PHTF1: variants seen among roughly 807,000 people sequenced by gnomAD.
The protein encoded by PHTF1 is putative homeodomain transcription factor 1.
PHTF1 carries 88 observed loss-of-function variants against 102.4 expected under a neutral mutation model. The observed-to-expected ratio is 0.86, with a 90% CI of 0.72 to 1.03. The LOEUF (loss-of-function observed/expected upper bound fraction) is 1.03, where lower values mean the gene tolerates loss of function less well. PHTF1 is among the 50% of genes least tolerant of loss of function. PHTF1 has a pLI of 0.00. For missense variants in PHTF1, 814 were observed against 909.5 expected (o/e 0.89, Z 1.35); for synonymous variants, 289 against 305.2 (o/e 0.95, Z 0.55).
chr1:113,735,654 G>A (rs1490696367), intron 5 of PHTF1, among the ~76,000 whole-genome samples: 1 of 151,928 alleles, frequency 6.6e-6, no homozygotes. Flanking sequence ...CTACTATACT[G>A]GGCAGCACAG....
At chr1:113,729,452 A>G (rs1435023207) in intron 5 of PHTF1, among the ~76,000 whole-genome samples, 1 of 151,936 alleles carries the variant, frequency 6.6e-6, no homozygotes, top group Non-Finnish European at 1.5e-5. Context: ...GAAGATGAAT[A>G]CCCTACTTGC....
chr1:113,698,345 G>T lies in PHTF1; in HGVS notation c.2185C>A (p.Pro729Thr), dbSNP rs978194858. 6.2e-7 allele frequency: 1 copy of T among 1,608,534 alleles called. No individual in the cohort carries two copies. The highest frequency in any genetic ancestry group is 8.5e-7 in the Non-Finnish European group (1 of 1,175,118). The change falls in exon 18 of 19, where the codon CCC (proline) becomes ACC (threonine). Residue 729 changes from proline to threonine, a missense_variant. Physicochemically the swap from Pro to Thr is conservative, Grantham distance 38. Coordinates refer to ENST00000369604, the MANE Select transcript of PHTF1 (RefSeq NM_001323043.2). Reference sequence around the variant, plus strand: ...ACTCTTGTGATATTGTAGATTAAGGGATTCATTGTCAGTCCATAGAGTCTA... The same window carrying T: ...ACTCTTGTGATATTGTAGATTAAGGTATTCATTGTCAGTCCATAGAGTCTA... The part of the protein sequence containing the change: ...PFRLYGLTMN[P>T]LIYNITRVVI...
At chr1:113,756,068 A>G (rs76650629) in intron 3 of PHTF1, among the ~76,000 whole-genome samples, 1 of 146,042 alleles carries the variant, frequency 6.8e-6, no homozygotes, top group Non-Finnish European at 1.5e-5. Context: ...CTCTGTCTCA[A>G]AAAAAAAAAA....
intron 11 of PHTF1, among the ~76,000 whole-genome samples, chr1:113,709,895 T>C (rs1650792521): frequency 6.6e-6 from 1 of 152,224 alleles, no homozygotes; most frequent in Non-Finnish European, 1.5e-5. Flanking sequence ...AGCAATACCA[T>C]TTCCTAGTAA....
intron 8 of PHTF1, among the ~76,000 whole-genome samples, chr1:113,712,985 GT>G (rs1306088479): frequency 1.3e-5 from 2 of 152,008 alleles, no homozygotes; most frequent in African/African-American, 4.8e-5. Flanking sequence ...TAGAAACGGG[GT>G]TTCACCGTGT....
At position 113,759,047 on chromosome 1, in the gene PHTF1, G is replaced by A. The variant is rs1004092147; in HGVS notation, c.-55C>T. The A allele has an allele frequency of 9.9e-7, 1 of 1,012,126 alleles. No individual in the cohort carries two copies. Among genetic ancestry groups the A allele is most frequent in the Non-Finnish European group, 1.2e-6 (1 of 847,926 alleles). 62.7% of individuals were successfully genotyped at this position (1,012,126 alleles called of 1,614,324 possible). ...CCTAGTGCCCGTTGCCCCGCGGGCC[G>A]GCGCCCGGGACCTCCGTCCTCAGTG... is the stretch of plus-strand genomic sequence containing the variant. On this transcript the variant is annotated 5_prime_UTR_variant, in exon 1 of 19. Transcript: ENST00000369604.
intron 5 of PHTF1, among the ~76,000 whole-genome samples, chr1:113,734,192 G>A (rs994335881): frequency 5.9e-5 from 9 of 152,186 alleles, no homozygotes; most frequent in African/African-American, 1.2e-4. Context: ...CCTGGGAGGC[G>A]GAGGTTGCAG....
At position 113,731,535 on chromosome 1, in the gene PHTF1, T is replaced by TA. The variant is rs1443140633; in HGVS notation, c.332-4962_332-4961insT. 3.5e-3 allele frequency among the ~76,000 whole-genome samples: 499 copies of TA among 144,436 alleles called. 2 individuals carry two copies. Among genetic ancestry groups the TA allele is most frequent in the African/African-American group, 0.013 (460 of 36,714 alleles). The allele number at this position is 144,436 out of a possible 152,430, so 94.8% of individuals were successfully genotyped here. ...GTAAGAGTGAGACCCCGTCTCTATT[T>TA]TAAAAAAAAGAAAGAAAGAAAGAAA... On this transcript the variant is annotated intron_variant, in intron 5 of 18. Coordinates refer to ENST00000369604, the MANE Select transcript of PHTF1 (RefSeq NM_001323043.2).
At chr1:113,709,731 C>T (rs947130912) in intron 11 of PHTF1, among the ~76,000 whole-genome samples, 13 of 152,244 alleles carry the variant, frequency 8.5e-5, no homozygotes, top group African/African-American at 3.1e-4. Flanking sequence ...ATTATCACCA[C>T]ATAACAGATG....
In PHTF1 at chr1:113,713,445, T is replaced by C; in HGVS notation, c.624-7A>G. On this transcript the variant is annotated splice_polypyrimidine_tract_variant and splice_region_variant and intron_variant, in intron 7 of 18. Transcript: ENST00000369604. Reference sequence around the variant, plus strand: ...TAATTTTACTCTTTTAATCCTATTTTTTAAAAAAGGAAAAGAAGATTAATT... The same window carrying C: ...TAATTTTACTCTTTTAATCCTATTTCTTAAAAAAGGAAAAGAAGATTAATT... 1 of 1,464,056 alleles carries C rather than the reference T, an allele frequency of 6.8e-7. No homozygotes were observed. Among genetic ancestry groups the C allele is most frequent in the Non-Finnish European group, 9.4e-7 (1 of 1,067,314 alleles). 90.7% of individuals were successfully genotyped at this position (1,464,056 alleles called of 1,614,324 possible).
chr1:113,721,263 A>C lies in PHTF1; in HGVS notation c.623+3496T>G, dbSNP rs79101536. ...AATGAAGGAAAAAAACCATATAATCATTTCAAATGATGATGAAAAAGCATT... is the reference window on the plus strand; with the variant it reads ...AATGAAGGAAAAAAACCATATAATCCTTTCAAATGATGATGAAAAAGCATT... On this transcript the variant is annotated intron_variant, in intron 7 of 18. Transcript: ENST00000369604. Among the ~76,000 whole-genome samples, 896 of 152,352 alleles carry C rather than the reference A, an allele frequency of 5.9e-3. 10 individuals carry two copies. Among genetic ancestry groups the C allele is most frequent in the African/African-American group, 0.021 (853 of 41,566 alleles).
At chr1:113,697,790 C>G (rs1033380261) in intron 18 of PHTF1, 65 bp from the exon 19 acceptor site, 1 of 1,051,766 alleles carries the variant, frequency 9.5e-7, no homozygotes, top group Non-Finnish European at 1.5e-6. Context: ...TATAGGTACA[C>G]TTACATGACT....
At chr1:113,723,208 C>T (rs1232370368) in intron 7 of PHTF1, among the ~76,000 whole-genome samples, 1 of 147,756 alleles carries the variant, frequency 6.8e-6, no homozygotes, top group Non-Finnish European at 1.5e-5. Context: ...GACAGGGTCA[C>T]ACTCTGTCAC....
chr1:113,739,809 T>C (rs1287389138), intron 3 of PHTF1, among the ~76,000 whole-genome samples: 2 of 152,234 alleles, frequency 1.3e-5, no homozygotes, highest in Non-Finnish European at 2.9e-5. Flanking sequence ...TTAGCTTCCA[T>C]GTATGTGTGA....
Position 113,706,171 on chromosome 1 carries a change from TAATTTAA to T in PHTF1, c.1399-16_1399-10del. The T allele has an allele frequency of 6.3e-7, 1 of 1,585,530 alleles. No individual in the cohort carries two copies. The highest frequency in any genetic ancestry group is 1.2e-5 in the South Asian group (1 of 86,362). ...TGCTGATAGGCATTGACCTGTGAAT[TAATTTAA>T]AATTTCCACCATTATTGTGTTAGCT... is the stretch of plus-strand genomic sequence containing the variant. On this transcript the variant is annotated splice_polypyrimidine_tract_variant and intron_variant, in intron 12 of 18. Transcript: ENST00000369604.
intron 5 of PHTF1, among the ~76,000 whole-genome samples, chr1:113,733,888 C>T (rs1474832283): frequency 1.3e-5 from 2 of 152,060 alleles, no homozygotes; most frequent in Non-Finnish European, 2.9e-5. Context: ...GGAGACTAGA[C>T]GAATACTTGA....
chr1:113,713,439 C>G lies in PHTF1; in HGVS notation c.624-1G>C. 6.7e-7 allele frequency: 1 copy of G among 1,497,678 alleles called. No homozygotes were observed. Among genetic ancestry groups the G allele is most frequent in the Non-Finnish European group, 9.1e-7 (1 of 1,096,242 alleles). The allele number at this position is 1,497,678 out of a possible 1,614,324, so 92.8% of individuals were successfully genotyped here. A position where few individuals can be genotyped will look rare whatever the true frequency, so the allele number is the denominator to read the frequency against. The stretch of plus-strand genomic sequence containing the variant: ...AGATATTAATTTTACTCTTTTAATC[C>G]TATTTTTTAAAAAAGGAAAAGAAGA... On this transcript the variant is annotated splice_acceptor_variant, in intron 7 of 18. Transcript: ENST00000369604. LOFTEE classifies it high-confidence loss of function.
At position 113,757,654 on chromosome 1, in the gene PHTF1, T is replaced by C. The variant is rs375129657; in HGVS notation, c.102+45A>G. ...CAGGTAAGTACAATTCCACTCTTCATATTAATGCAGTGAAACATAGGCGGA... is the reference window on the plus strand; with the variant it reads ...CAGGTAAGTACAATTCCACTCTTCACATTAATGCAGTGAAACATAGGCGGA... On this transcript the variant is annotated intron_variant, in intron 3 of 18. Transcript: ENST00000369604. 4.5e-4 allele frequency: 546 copies of C among 1,221,090 alleles called. 2 individuals are homozygous for C. Among genetic ancestry groups the C allele is most frequent in the Middle Eastern group, 1.2e-3 (6 of 5,112 alleles). 75.6% of individuals were successfully genotyped at this position (1,221,090 alleles called of 1,614,324 possible).
Position 113,711,922 on chromosome 1 carries a change from AAC to A in PHTF1, c.957+16_957+17del. 15 of 1,609,506 alleles carry A rather than the reference AAC, an allele frequency of 9.3e-6. No individual in the cohort carries two copies. The highest frequency in any genetic ancestry group is 1.3e-5 in the Non-Finnish European group (15 of 1,175,858). ...AATGATTCAGTCCTATACTTTCATA[AAC>A]TAAAATAGAAATTACCTGAGAGTTT... On this transcript the variant is annotated intron_variant, in intron 9 of 18. Transcript: ENST00000369604.
Sources: allele counts gnomAD v4.1 joint callset (sites outside exome capture counted in the v4.1 genomes callset), GRCh38; gene constraint gnomAD v4.1.1; transcripts MANE v1.5; gene names NCBI Gene and HGNC (gene_info 2026-07-23, HGNC 2026-07-21).